L3MBTL4: variants seen among roughly 807,000 people sequenced by gnomAD.
The protein encoded by L3MBTL4 is lethal(3)malignant brain tumor-like protein 4.
In L3MBTL4, 70 loss-of-function variants were observed where a neutral mutation model predicts 84.5. The ratio of observed to expected loss-of-function variants is 0.83; its 90% CI spans 0.68 to 1.01. The LOEUF is 1.01. Among genes scored for constraint, L3MBTL4 ranks in the 50% least tolerant of loss-of-function variants. The pLI, the probability that L3MBTL4 is intolerant of heterozygous loss-of-function variation, is 0.00. For missense variants in L3MBTL4, 715 were observed against 754.8 expected (o/e 0.95, Z 0.62); for synonymous variants, 274 against 259.8 (o/e 1.05, Z -0.52).
At chr18:6,198,320 T>C (rs1012564866) in intron 12 of L3MBTL4, among the ~76,000 whole-genome samples, 1 of 152,172 alleles carries the variant, frequency 6.6e-6, no homozygotes, top group East Asian at 1.9e-4. Flanking sequence ...TCCCTGTTTA[T>C]AGTAAGATTT....
At chr18:6,085,598 A>G (rs1036336496) in intron 15 of L3MBTL4, among the ~76,000 whole-genome samples, 1 of 152,114 alleles carries the variant, frequency 6.6e-6, no homozygotes, top group Non-Finnish European at 1.5e-5. Context: ...TGGTTTTATT[A>G]GTGTTTGGTA....
At chr18:6,326,990 A>C (rs1221842107) in intron 1 of L3MBTL4, among the ~76,000 whole-genome samples, 1 of 152,232 alleles carries the variant, frequency 6.6e-6, no homozygotes, top group Non-Finnish European at 1.5e-5. Flanking sequence ...GAATACAGGC[A>C]ACACTTAGAA....
intron 4 of L3MBTL4, among the ~76,000 whole-genome samples, chr18:6,286,934 C>A (rs1440294943): frequency 6.6e-6 from 1 of 152,126 alleles, no homozygotes; most frequent in Non-Finnish European, 1.5e-5. Flanking sequence ...CATCAGAGAG[C>A]TGAATGAAGG....
chr18:6,031,712 C>A (rs919793823), intron 16 of L3MBTL4: 9 of 985,366 alleles, frequency 9.1e-6, no homozygotes, highest in Non-Finnish European at 9.6e-6. Context: ...TGGGGAATGG[C>A]AGAGGAACAA....
intron 13 of L3MBTL4, among the ~76,000 whole-genome samples, chr18:6,153,602 T>C (rs1314576524): frequency 6.6e-6 from 1 of 152,200 alleles, no homozygotes; most frequent in African/African-American, 2.4e-5. Context: ...TTGTAGACTC[T>C]TTAGGGATTT....
At chr18:6,314,662 T>C (rs542613874) in intron 1 of L3MBTL4, among the ~76,000 whole-genome samples, 1 of 152,376 alleles carries the variant, frequency 6.6e-6, no homozygotes, top group South Asian at 2.1e-4. Context: ...ATAGTAGAAT[T>C]ATCTGTCTGC....
At chr18:6,308,652 C>A (rs1568468907) in intron 3 of L3MBTL4, among the ~76,000 whole-genome samples, 1 of 151,884 alleles carries the variant, frequency 6.6e-6, no homozygotes. Context: ...TAATTAAGTG[C>A]AAAAAAAGCA....
rs565195778 is a variant in L3MBTL4 at position 5,958,139 on chromosome 18, G to C, written c.1678-1752C>G. Among the ~76,000 whole-genome samples the C allele has an allele frequency of 6.0e-4, 36 of 60,376 alleles. 1 individual carries two copies. Among genetic ancestry groups the C allele is most frequent in the African/African-American group, 1.6e-3 (24 of 14,646 alleles). 39.6% of individuals were successfully genotyped at this position (60,376 alleles called of 152,430 possible). A position where few individuals can be genotyped will look rare whatever the true frequency, so the allele number is the denominator to read the frequency against. ...AGAAGAAGAAGAAGAAAAAGAAGAA[G>C]AAGAAGAAGAAGAAGAAGAACAAGA... On this transcript the variant is annotated intron_variant, in intron 18 of 18. Coordinates refer to ENST00000317931, the MANE Select transcript of L3MBTL4 (RefSeq NM_001330559.2).
intron 12 of L3MBTL4, among the ~76,000 whole-genome samples, chr18:6,204,318 T>C (rs1318815943): frequency 1.3e-5 from 2 of 152,150 alleles, no homozygotes; most frequent in Non-Finnish European, 2.9e-5. Context: ...GAATGAGTCT[T>C]TACCAAGTAG....
intron 1 of L3MBTL4, among the ~76,000 whole-genome samples, chr18:6,336,880 A>G (rs1298375598): frequency 1.3e-5 from 2 of 152,218 alleles, no homozygotes; most frequent in Admixed American, 1.3e-4. Flanking sequence ...AATACCAAAG[A>G]CCTTAAAATA....
intron 16 of L3MBTL4, among the ~76,000 whole-genome samples, chr18:5,994,547 G>A (rs1002061308): frequency 2.2e-4 from 33 of 152,184 alleles, no homozygotes; most frequent in Non-Finnish European, 5.9e-5. Context: ...TTTGCCCACA[G>A]TTGCAAAGTT....
chr18:6,394,556 C>G (rs1464709364), intron 1 of L3MBTL4, among the ~76,000 whole-genome samples: 2 of 152,036 alleles, frequency 1.3e-5, no homozygotes, highest in Non-Finnish European at 2.9e-5. Flanking sequence ...TCTCCCCCAC[C>G]AGGACACAAG....
At chr18:6,310,926 T>C (rs976618681) in intron 3 of L3MBTL4, among the ~76,000 whole-genome samples, 2 of 152,126 alleles carry the variant, frequency 1.3e-5, no homozygotes, top group African/African-American at 4.8e-5. Flanking sequence ...GTGGGTCTCA[T>C]TTAATCAGTT....
chr18:6,031,588 GT>G (rs1598488127), intron 16 of L3MBTL4: 1 of 937,966 alleles, frequency 1.1e-6, no homozygotes, highest in Non-Finnish European at 1.3e-6. Context: ...TCACATGTTT[GT>G]TGGACAGTTG....
At chr18:6,008,311 T>C (rs1412547334) in intron 16 of L3MBTL4, among the ~76,000 whole-genome samples, 1 of 152,180 alleles carries the variant, frequency 6.6e-6, no homozygotes, top group East Asian at 1.9e-4. Flanking sequence ...TTTGCTGTTC[T>C]AGAGGCACGT....
intron 16 of L3MBTL4, among the ~76,000 whole-genome samples, chr18:5,980,862 G>A (rs759713914): frequency 2.6e-5 from 4 of 152,146 alleles, no homozygotes; most frequent in Non-Finnish European, 5.9e-5. Flanking sequence ...CAGAAGCAGC[G>A]GTGCACACAG....
intron 12 of L3MBTL4, among the ~76,000 whole-genome samples, chr18:6,176,484 A>T (rs1279198808): frequency 6.6e-6 from 1 of 152,174 alleles, no homozygotes; most frequent in Non-Finnish European, 1.5e-5. Flanking sequence ...TGGCACCAGA[A>T]TGCTTGAACA....
rs903520507 is a variant in L3MBTL4 at position 6,256,568 on chromosome 18, A to C, written c.219+7379T>G. Among the ~76,000 whole-genome samples, 3 of 151,500 alleles carry C rather than the reference A, an allele frequency of 2.0e-5. 1 individual carries two copies. The Admixed American group carries it at 2.0e-4, about 10-fold the overall frequency. On this transcript the variant is annotated intron_variant, in intron 5 of 18. Transcript: ENST00000317931. ...ATACTAGATTATAATAATAGCTATGAAGAGGGGAAGGAGGTAGAGCAGGAC... is the reference window on the plus strand; with the variant it reads ...ATACTAGATTATAATAATAGCTATGCAGAGGGGAAGGAGGTAGAGCAGGAC...
rs556997917 is a variant in L3MBTL4 at position 6,304,164 on chromosome 18, TCCTA to T, written c.73-2211_73-2208del. Among the ~76,000 whole-genome samples, 609 of 152,340 alleles carry T rather than the reference TCCTA, an allele frequency of 4.0e-3. 4 individuals are homozygous for T. The highest frequency in any genetic ancestry group is 0.014 in the African/African-American group (570 of 41,584). On this transcript the variant is annotated intron_variant, in intron 3 of 18. Transcript: ENST00000317931. The stretch of plus-strand genomic sequence containing the variant: ...GAAATAAATACTATTAATTTCATTT[TCCTA>T]CCTTTTTTTAGTTCCTTTTTCAAGT...
Sources: gnomAD v4.1 joint callset for allele counts (sites outside exome capture counted in the v4.1 genomes callset) on GRCh38, gnomAD v4.1.1 for gene constraint, MANE v1.5 for transcripts, NCBI Gene and HGNC (gene_info 2026-07-23, HGNC 2026-07-21) for gene names.